The following CSMD3 variants were observed in gnomAD, a reference collection of about 807,000 sequenced individuals.
CSMD3 encodes the protein CUB and Sushi multiple domains 3, also known as CUB and sushi domain-containing protein 3.
CSMD3 carries 177 observed loss-of-function variants against 435.2 expected under a neutral mutation model. The observed-to-expected ratio is 0.41, with a 90% CI of 0.36 to 0.46. The LOEUF (loss-of-function observed/expected upper bound fraction) is 0.46, where lower values mean the gene tolerates loss of function less well. Ranked by LOEUF, CSMD3 falls within the 20% of genes least tolerant of loss-of-function variation. The pLI, the probability that CSMD3 is intolerant of heterozygous loss-of-function variation, is 0.34. For missense variants in CSMD3, 4,265 were observed against 4,504.6 expected (o/e 0.95, Z 1.52); for synonymous variants, 1,656 against 1,520.5 (o/e 1.09, Z -2.07).
intron 35 of CSMD3, among the ~76,000 whole-genome samples, chr8:112,392,864 C>CTTTTTTTTTTTTTTTTTTTTTT (rs56809581): frequency 8.2e-6 from 1 of 122,168 alleles, no homozygotes. Context: ...TCTTTTTTTT[C>CTTTTTTTTTTTTTTTTTTTTTT]TTTTTTTTTT....
At chr8:112,967,901 A>G (rs760712543) in intron 7 of CSMD3, among the ~76,000 whole-genome samples, 16 of 151,876 alleles carry the variant, frequency 1.1e-4, no homozygotes, top group Non-Finnish European at 2.2e-4. Context: ...AAAAAAGAAA[A>G]ACAAAGAAAA....
At chr8:113,114,520 G>T (rs2090764529) in intron 4 of CSMD3, among the ~76,000 whole-genome samples, 1 of 152,102 alleles carries the variant, frequency 6.6e-6, no homozygotes, top group Admixed American at 6.6e-5. Context: ...CAGCTGAAGG[G>T]ATCCCAGGTG....
intron 5 of CSMD3, among the ~76,000 whole-genome samples, chr8:113,068,345 T>G (rs899562127): frequency 2.6e-5 from 4 of 152,122 alleles, no homozygotes; most frequent in African/African-American, 9.7e-5. Context: ...TATATTCCAA[T>G]GAGATGGACA....
At chr8:112,497,500 TATAC>T (rs1821480484) in intron 30 of CSMD3, among the ~76,000 whole-genome samples, 2 of 149,706 alleles carry the variant, frequency 1.3e-5, no homozygotes, top group Admixed American at 1.3e-4. Flanking sequence ...TATATATATA[TATAC>T]CTACTATGAA....
intron 4 of CSMD3, among the ~76,000 whole-genome samples, chr8:113,119,766 C>G (rs935037020): frequency 6.6e-6 from 1 of 151,952 alleles, no homozygotes; most frequent in Non-Finnish European, 1.5e-5. Flanking sequence ...ATACATATTG[C>G]AACATTTCTT....
Position 112,266,808 on chromosome 8 carries a change from G to T in CSMD3, c.9509-1218C>A, listed in dbSNP as rs114392283. 4.4e-3 allele frequency among the ~76,000 whole-genome samples: 674 copies of T among 152,258 alleles called. 6 individuals are homozygous for T. Among genetic ancestry groups the T allele is most frequent in the African/African-American group, 0.016 (646 of 41,568 alleles). Reference sequence around the variant, plus strand: ...GTCACACAAGTGATAACTGTTTTGAGGCACAGGATTTAAGCTTAATTTGGG... The same window carrying T: ...GTCACACAAGTGATAACTGTTTTGATGCACAGGATTTAAGCTTAATTTGGG... On this transcript the variant is annotated intron_variant, in intron 59 of 70. Coordinates refer to ENST00000297405, the MANE Select transcript of CSMD3 (RefSeq NM_198123.2).
At chr8:112,772,793 T>G (rs2078153575) in intron 13 of CSMD3, among the ~76,000 whole-genome samples, 1 of 152,186 alleles carries the variant, frequency 6.6e-6, no homozygotes, top group African/African-American at 2.4e-5. Flanking sequence ...GCAATACTGC[T>G]CTTTAATGCA....
intron 22 of CSMD3, among the ~76,000 whole-genome samples, chr8:112,635,849 A>G (rs1377675505): frequency 6.6e-6 from 1 of 152,250 alleles, no homozygotes; most frequent in East Asian, 1.9e-4. Context: ...TTTTGTATCC[A>G]TAGTAAAGAG....
intron 1 of CSMD3, among the ~76,000 whole-genome samples, chr8:113,405,523 A>G (rs997257203): frequency 6.6e-6 from 1 of 151,738 alleles, no homozygotes; most frequent in Non-Finnish European, 1.5e-5. Flanking sequence ...AAACCTGGAA[A>G]TTATAACAAC....
At position 112,513,952 on chromosome 8, in the gene CSMD3, A is replaced by C. The variant is rs143786622; in HGVS notation, c.4756+3082T>G. 2.0e-4 allele frequency among the ~76,000 whole-genome samples: 31 copies of C among 152,282 alleles called. No individual in the cohort carries two copies. The East Asian group carries it at 6.0e-3, about 29-fold the overall frequency. On this transcript the variant is annotated intron_variant, in intron 28 of 70. Coordinates refer to ENST00000297405, the MANE Select transcript of CSMD3 (RefSeq NM_198123.2). ...GCATACATACATGTAGATGTTATATATGTATATTCCTTATCACAAAATATT... is the reference window on the plus strand; with the variant it reads ...GCATACATACATGTAGATGTTATATCTGTATATTCCTTATCACAAAATATT...
chr8:112,777,019 A>G (rs1328128899), intron 13 of CSMD3, among the ~76,000 whole-genome samples: 2 of 151,712 alleles, frequency 1.3e-5, no homozygotes, highest in East Asian at 3.9e-4. Context: ...ATTTTTTAGT[A>G]TGTTATTTTT....
intron 1 of CSMD3, among the ~76,000 whole-genome samples, chr8:113,363,750 T>C (rs2133006656): frequency 1.3e-5 from 2 of 152,324 alleles, no homozygotes; most frequent in Middle Eastern, 6.8e-3. Flanking sequence ...CTTAACTTAA[T>C]CATATCTACA....
chr8:112,638,426 AT>A (rs1202856394), intron 21 of CSMD3, among the ~76,000 whole-genome samples: 6 of 150,922 alleles, frequency 4.0e-5, no homozygotes, highest in Admixed American at 4.0e-4. Flanking sequence ...ATTTTTCAGG[AT>A]TGTAAATTAA....
intron 5 of CSMD3, among the ~76,000 whole-genome samples, chr8:113,085,311 A>G (rs763403266): frequency 6.0e-4 from 91 of 152,286 alleles, no homozygotes; most frequent in Non-Finnish European, 9.9e-4. Context: ...TGAGAAAAGG[A>G]AAGTCATACA....
intron 9 of CSMD3, among the ~76,000 whole-genome samples, chr8:112,930,945 G>T (rs903569508): frequency 6.6e-6 from 1 of 151,950 alleles, no homozygotes; most frequent in Non-Finnish European, 1.5e-5. Flanking sequence ...TGTAAATTTA[G>T]AATATTAAGT....
chr8:112,644,186 A>T (rs1472248481), intron 20 of CSMD3, among the ~76,000 whole-genome samples: 2 of 151,764 alleles, frequency 1.3e-5, no homozygotes, highest in Non-Finnish European at 2.9e-5. Flanking sequence ...TTTTGTTTTC[A>T]TATATTAGAA....
chr8:112,838,977 T>A (rs1329693032), intron 11 of CSMD3, among the ~76,000 whole-genome samples: 1 of 151,800 alleles, frequency 6.6e-6, no homozygotes, highest in Admixed American at 6.6e-5. Context: ...TTAGAGAAAA[T>A]AATAAATATC....
At chr8:112,758,655 T>C (rs879625616) in intron 13 of CSMD3, among the ~76,000 whole-genome samples, 28 of 152,238 alleles carry the variant, frequency 1.8e-4, no homozygotes, top group Admixed American at 1.8e-3. Flanking sequence ...ACTGTTCAAC[T>C]TCATAATAAT....
chr8:113,037,374 T>C (rs1384610184), intron 5 of CSMD3, among the ~76,000 whole-genome samples: 1 of 152,126 alleles, frequency 6.6e-6, no homozygotes, highest in African/African-American at 2.4e-5. Context: ...AAAATGTATA[T>C]ATTATGCATT....
Sources: allele counts gnomAD v4.1 joint callset (sites outside exome capture counted in the v4.1 genomes callset), GRCh38; gene constraint gnomAD v4.1.1; transcripts MANE v1.5; gene names NCBI Gene and HGNC (gene_info 2026-07-23, HGNC 2026-07-21).